LRFN5: variants seen among roughly 807,000 people sequenced by gnomAD.
The protein encoded by LRFN5 is leucine-rich repeat and fibronectin type-III domain-containing protein 5.
LRFN5 carries 24 observed loss-of-function variants against 45.6 expected under a neutral mutation model. The ratio of observed to expected loss-of-function variants is 0.53; its 90% CI spans 0.38 to 0.74. The LOEUF (loss-of-function observed/expected upper bound fraction) is 0.74, where lower values mean the gene tolerates loss of function less well. Among genes scored for constraint, LRFN5 ranks in the 30% least tolerant of loss-of-function variants. The pLI is 0.00. For missense variants in LRFN5, 776 were observed against 861.5 expected (o/e 0.90, Z 1.24); for synonymous variants, 340 against 313.8 (o/e 1.08, Z -0.88).
In LRFN5 at chr14:41,827,984, A is replaced by C. The variant is rs142418961; in HGVS notation, c.-20-58622A>C. Among the ~76,000 whole-genome samples, 32 of 152,150 alleles carry C rather than the reference A, an allele frequency of 2.1e-4. 2 individuals carry two copies. The highest frequency in any genetic ancestry group is 1.8e-3 in the Admixed American group (28 of 15,274). ...TACCCTTCAAATTTGCACTTGCTTC[A>C]AGGTTGTCCTTAATGTTGAGCATTT... On this transcript the variant is annotated intron_variant, in intron 2 of 5. Coordinates refer to ENST00000298119, the MANE Select transcript of LRFN5 (RefSeq NM_152447.5).
chr14:41,609,373 AT>A (rs76805035), intron 1 of LRFN5, among the ~76,000 whole-genome samples: 9,229 of 149,466 alleles, frequency 0.062, 682 homozygotes, highest in East Asian at 0.27. Context: ...GATATTTTGA[AT>A]TTTTTTTTTC....
chr14:41,627,693 A>C (rs568189889), intron 1 of LRFN5, among the ~76,000 whole-genome samples: 1 of 152,176 alleles, frequency 6.6e-6, no homozygotes, highest in Non-Finnish European at 1.5e-5. Context: ...TCTCTATGTT[A>C]ATTTATGTGT....
At chr14:41,784,505 C>G (rs1006673535) in intron 2 of LRFN5, among the ~76,000 whole-genome samples, 3 of 151,988 alleles carry the variant, frequency 2.0e-5, no homozygotes, top group Admixed American at 1.3e-4. Flanking sequence ...CAAAGACTCT[C>G]TGAAATTTCC....
chr14:41,631,196 G>A (rs890241882), intron 1 of LRFN5, among the ~76,000 whole-genome samples: 1 of 152,052 alleles, frequency 6.6e-6, no homozygotes, highest in Admixed American at 6.6e-5. Context: ...CTATTCCTCT[G>A]TTTACACTGT....
chr14:41,902,020 C>A (rs1036711064), intron 5 of LRFN5, among the ~76,000 whole-genome samples: 1 of 151,916 alleles, frequency 6.6e-6, no homozygotes, highest in Non-Finnish European at 1.5e-5. Flanking sequence ...CTTTAGAAAT[C>A]ATCTCCTTGC....
At chr14:41,658,548 A>G (rs1281107338) in intron 1 of LRFN5, among the ~76,000 whole-genome samples, 3 of 151,952 alleles carry the variant, frequency 2.0e-5, no homozygotes, top group Non-Finnish European at 4.4e-5. Flanking sequence ...TTTCTAATAT[A>G]TCAAATTTTC....
intron 1 of LRFN5, among the ~76,000 whole-genome samples, chr14:41,670,110 C>A (rs1232373360): frequency 6.9e-6 from 1 of 145,552 alleles, no homozygotes; most frequent in Non-Finnish European, 1.5e-5. Flanking sequence ...CATATCTATA[C>A]ATTCATATAT....
At chr14:41,660,384 A>T in intron 1 of LRFN5, among the ~76,000 whole-genome samples, 1 of 152,060 alleles carries the variant, frequency 6.6e-6, no homozygotes, top group East Asian at 1.9e-4. Flanking sequence ...ACCCTGCTGG[A>T]TCAAAATGTT....
intron 2 of LRFN5, among the ~76,000 whole-genome samples, chr14:41,842,526 CTTCCA>C (rs1380553130): frequency 6.7e-6 from 1 of 148,334 alleles, no homozygotes; most frequent in Non-Finnish European, 1.5e-5. Context: ...AAGGGTTACA[CTTCCA>C]TTATATCATT....
chr14:41,901,811 AT>A (rs1486464184), intron 5 of LRFN5, among the ~76,000 whole-genome samples: 1 of 152,036 alleles, frequency 6.6e-6, no homozygotes, highest in Non-Finnish European at 1.5e-5. Flanking sequence ...AGTGTGATCA[AT>A]GTAAAATATT....
intron 1 of LRFN5, among the ~76,000 whole-genome samples, chr14:41,664,013 C>T (rs547781660): frequency 2.0e-5 from 3 of 151,892 alleles, no homozygotes; most frequent in Non-Finnish European, 4.4e-5. Context: ...TGTCCTCATC[C>T]CCCATTTCCT....
At chr14:41,741,961 A>G (rs1173816688) in intron 1 of LRFN5, among the ~76,000 whole-genome samples, 2 of 151,804 alleles carry the variant, frequency 1.3e-5, no homozygotes, top group African/African-American at 4.8e-5. Flanking sequence ...TGAAACCACA[A>G]TGAGATATCA....
chr14:41,702,343 A>T (rs1882873164), intron 1 of LRFN5, among the ~76,000 whole-genome samples: 1 of 152,172 alleles, frequency 6.6e-6, no homozygotes, highest in African/African-American at 2.4e-5. Context: ...CACACTTCTA[A>T]ATTAAATCAA....
chr14:41,642,837 T>C (rs1002704292), intron 1 of LRFN5, among the ~76,000 whole-genome samples: 3 of 152,220 alleles, frequency 2.0e-5, no homozygotes, highest in Non-Finnish European at 4.4e-5. Flanking sequence ...CCAGTTGTTT[T>C]ATATAAAATT....
chr14:41,844,381 G>T (rs1017229676), intron 2 of LRFN5, among the ~76,000 whole-genome samples: 25 of 150,980 alleles, frequency 1.7e-4, no homozygotes, highest in African/African-American at 5.9e-4. Flanking sequence ...AGCTTGCAGT[G>T]AGCGGAGATC....
intron 2 of LRFN5, among the ~76,000 whole-genome samples, chr14:41,851,637 A>G (rs924303750): frequency 1.2e-4 from 18 of 151,816 alleles, no homozygotes; most frequent in African/African-American, 3.9e-4. Context: ...AAGCTGTTCA[A>G]AACAAGGTTA....
intron 2 of LRFN5, among the ~76,000 whole-genome samples, chr14:41,866,228 A>C (rs1398763971): frequency 6.6e-6 from 1 of 152,168 alleles, no homozygotes; most frequent in Non-Finnish European, 1.5e-5. Context: ...AAGTGGGTTC[A>C]TTCTCCATCA....
intron 2 of LRFN5, among the ~76,000 whole-genome samples, chr14:41,769,620 T>C (rs1886009059): frequency 6.6e-6 from 1 of 152,188 alleles, no homozygotes; most frequent in South Asian, 2.1e-4. Context: ...AAAGCTAATA[T>C]TCCTTTTAAC....
At chr14:41,822,520 A>C (rs2139015815) in intron 2 of LRFN5, among the ~76,000 whole-genome samples, 1 of 152,184 alleles carries the variant, frequency 6.6e-6, no homozygotes, top group East Asian at 1.9e-4. Context: ...GATAGTTGAT[A>C]TGATTTTTAT....
Sources: allele counts gnomAD v4.1 joint callset (sites outside exome capture counted in the v4.1 genomes callset), GRCh38; gene constraint gnomAD v4.1.1; transcripts MANE v1.5; gene names NCBI Gene and HGNC (gene_info 2026-07-23, HGNC 2026-07-21).